Variants in MCAM observed in about 807,000 individuals in gnomAD.
MCAM encodes the protein melanoma cell adhesion molecule.
Under a neutral mutation model 79.1 loss-of-function variants are expected in MCAM, and 55 were observed. The ratio of observed to expected loss-of-function variants is 0.70; its 90% CI spans 0.56 to 0.87. The LOEUF (loss-of-function observed/expected upper bound fraction) is 0.87, where lower values mean the gene tolerates loss of function less well. Among genes scored for constraint, MCAM ranks in the 40% least tolerant of loss-of-function variants. The probability of loss-of-function intolerance (pLI) is 0.00; values close to 1 mark genes in which losing one functional copy is unlikely to be tolerated. For missense variants in MCAM, 745 were observed against 839.8 expected, an observed-to-expected ratio of 0.89 and a Z score of 1.40; for synonymous variants, 330 against 339.8, an observed-to-expected ratio of 0.97 and a Z score of 0.32.
Position 119,309,910 on chromosome 11 carries a change from C to T in MCAM, c.1917G>A (p.Glu639=), listed in dbSNP as rs1024423215. The T allele has an allele frequency of 6.2e-7, 1 of 1,601,300 alleles. No individual in the cohort carries two copies. The highest frequency in any genetic ancestry group is 8.5e-7 in the Non-Finnish European group (1 of 1,174,004). Residue 639 remains glutamate (E), a synonymous_variant, in exon 16 of 16, where the codon GAG becomes GAA. Transcript: ENST00000264036. Reference sequence around the variant, plus strand: ...GCTAATGCCTCAGATCGATGTATTTCTCTCCCTAAAAGTGGGTAGAGGAGA... The same window carrying T: ...GCTAATGCCTCAGATCGATGTATTTTTCTCCCTAAAAGTGGGTAGAGGAGA... ...GDKRAPGDQG[E]KYIDLRH
rs779097884 is a variant in MCAM at position 119,311,650 on chromosome 11, G to A, written c.1287C>T (p.Gly429=). 2 of 1,614,038 alleles carry A rather than the reference G, an allele frequency of 1.2e-6. No individual in the cohort carries two copies. Among genetic ancestry groups the A allele is most frequent in the Non-Finnish European group, 8.5e-7 (1 of 1,179,980 alleles). The change falls in exon 11 of 16, where the codon GGC becomes GGT. Residue 429 remains glycine, a splice_region_variant and synonymous_variant. Transcript: ENST00000264036. This position sits in a 1 kb window ranked among gnomAD's most constrained non-coding sequence, Gnocchi z 4.4. The stretch of plus-strand genomic sequence containing the variant: ...TCTCCTTGAATGCCATCCAAGGGGG[G>A]CCTTGGGGAGGTAGGGAGAGGTGAG... ...RTQLVNVAIF[G]PPWMAFKERK... is the part of the protein sequence containing the mutation.
chr11:119,313,320 A>G (rs769792660), intron 5 of MCAM: 80 of 1,311,184 alleles, frequency 6.1e-5, no homozygotes, highest in Non-Finnish European at 7.2e-5. Flanking sequence ...ACCCAGAAAC[A>G]TTGTATAAAA....
intron 5 of MCAM, chr11:119,313,684 A>T (rs1476121480): frequency 4.3e-6 from 1 of 232,088 alleles, no homozygotes; most frequent in Non-Finnish European, 8.6e-6. Context: ...TACAGGCGTG[A>T]GCCCAGCCAG....
chr11:119,316,718 G>T lies in MCAM; in HGVS notation c.67+317C>A. On this transcript the variant is annotated intron_variant, in intron 1 of 15. Transcript: ENST00000264036. The surrounding 1 kb of genome is among the most constrained non-coding windows in gnomAD (Gnocchi z 4.8). ...GCCTCCTGCCCGGCTTCAATTGCGG[G>T]CCCCCAGAGTGAGCACCTCAGGGAC... 1 of 300,018 alleles carries T rather than the reference G, an allele frequency of 3.3e-6. No individual in the cohort carries two copies. Among genetic ancestry groups the T allele is most frequent in the East Asian group, 5.6e-5 (1 of 17,872 alleles). The allele number at this position is 300,018 out of a possible 1,614,324, so 18.6% of individuals were successfully genotyped here.
rs919252773 is a variant in MCAM at position 119,308,700 on chromosome 11, G to GA, written c.*1185_*1186insT. The stretch of plus-strand genomic sequence containing the variant: ...CACACACACCCGAAGCTCTAGCCAG[G>GA]CCCGTTTTCCATCCCTAAGTACCAT... On this transcript the variant is annotated 3_prime_UTR_variant, in exon 16 of 16. Transcript: ENST00000264036. The GA allele has an allele frequency of 3.3e-5, 5 of 151,922 alleles. No individual in the cohort carries two copies. The highest frequency in any genetic ancestry group is 7.4e-5 in the Non-Finnish European group (5 of 67,990). 9.4% of individuals were successfully genotyped at this position (151,922 alleles called of 1,614,324 possible). A position where few individuals can be genotyped will look rare whatever the true frequency, so the allele number is the denominator to read the frequency against.
intron 5 of MCAM, chr11:119,313,996 A>G: frequency 1.0e-6 from 1 of 979,320 alleles, no homozygotes; most frequent in Non-Finnish European, 1.2e-6. Context: ...ACACCCTGAT[A>G]GCAGAGATTA....
intron 5 of MCAM, chr11:119,313,757 A>G (rs1950269489): frequency 5.7e-6 from 1 of 176,094 alleles, no homozygotes; most frequent in Non-Finnish European, 1.2e-5. Context: ...GCCCTATAGG[A>G]TGTTAGCAAC....
rs760837585 is a variant in MCAM at position 119,311,194 on chromosome 11, C to T, written c.1550-9G>A. On this transcript the variant is annotated splice_polypyrimidine_tract_variant and intron_variant, in intron 12 of 15. Coordinates refer to ENST00000264036, the MANE Select transcript of MCAM (RefSeq NM_006500.3). This position sits in a 1 kb window ranked among gnomAD's most constrained non-coding sequence, Gnocchi z 4.4. ...GAGGGTGGTTAAATTGACTAGGAGG[C>T]AGAGGGAGGGGTGTTAGGAGAAGCG... The T allele has an allele frequency of 1.9e-6, 3 of 1,613,732 alleles. No homozygotes were observed. Among genetic ancestry groups the T allele is most frequent in the Non-Finnish European group, 2.5e-6 (3 of 1,179,786 alleles).
intron 14 of MCAM, 95 bp from the exon 15 acceptor site, chr11:119,310,561 G>T: frequency 2.7e-6 from 3 of 1,095,756 alleles, no homozygotes; most frequent in Non-Finnish European, 2.8e-6. Flanking sequence ...AGGGCTCCTT[G>T]CTCCAGGGCC....
Position 119,311,616 on chromosome 11 carries a change from A to C in MCAM, c.1321T>G (p.Trp441Gly), listed in dbSNP as rs1565280100. The change falls in exon 11 of 16, where the codon TGG becomes GGG. Residue 441 changes from tryptophan to glycine, a missense_variant. Transcript: ENST00000264036. The surrounding 1 kb of genome is among the most constrained non-coding windows in gnomAD (Gnocchi z 4.4). ...TTCAACACCATATTCTCTTTCACCC[A>C]CACCTTCCTCTCCTTGAATGCCATC... ...PWMAFKERKV[W>G]VKENMVLNLS... The C allele has an allele frequency of 6.2e-7, 1 of 1,613,892 alleles. No individual in the cohort carries two copies. Among genetic ancestry groups the C allele is most frequent in the African/African-American group, 1.3e-5 (1 of 74,880 alleles).
In MCAM at chr11:119,312,709, A is replaced by G. The variant is rs969433856; in HGVS notation, c.739+61T>C. Reference sequence around the variant, plus strand: ...GTCAACCCTGGGCTGGATAAGGGGGAGCCAGCAGGAGTTTCCAGCAGCCCC... The same window carrying G: ...GTCAACCCTGGGCTGGATAAGGGGGGGCCAGCAGGAGTTTCCAGCAGCCCC... On this transcript the variant is annotated intron_variant, in intron 6 of 15. Coordinates refer to ENST00000264036, the MANE Select transcript of MCAM (RefSeq NM_006500.3). This position sits in a 1 kb window ranked among gnomAD's most constrained non-coding sequence, Gnocchi z 4.9. 3.7e-6 allele frequency: 6 copies of G among 1,612,978 alleles called. No individual in the cohort carries two copies. The African/African-American group carries it at 8.0e-5, about 22-fold the overall frequency.
chr11:119,314,447 CACCTGGCCCAAGGGT>C, intron 5 of MCAM, 27 bp downstream of exon 5: 1 of 1,565,720 alleles, frequency 6.4e-7, no homozygotes, highest in Non-Finnish European at 8.8e-7. Context: ...TGAGCTACCA[CACCTGGCCCAAGGGT>C]GGCTTTTGGG....
Position 119,317,069 on chromosome 11 carries a change from C to T in MCAM, c.33G>A (p.Leu11=), listed in dbSNP as rs1214983135. The T allele has an allele frequency of 1.3e-6, 2 of 1,534,936 alleles. No homozygotes were observed. The highest frequency in any genetic ancestry group is 5.0e-5 in the East Asian group (2 of 40,240). ...GAGGACAGCAGCAGCAGGCGGCGAGCAAGAAGGCGCAGACCAGCCTGGGAA... is the reference window on the plus strand; with the variant it reads ...GAGGACAGCAGCAGCAGGCGGCGAGTAAGAAGGCGCAGACCAGCCTGGGAA... MGLPRLVCAF[L]LAACCCCPRV... The change falls in exon 1 of 16, where the codon TTG becomes TTA. Residue 11 remains leucine, a synonymous_variant. Coordinates refer to ENST00000264036, the MANE Select transcript of MCAM (RefSeq NM_006500.3). This position sits in a 1 kb window ranked among gnomAD's most constrained non-coding sequence, Gnocchi z 6.2.
In MCAM at chr11:119,312,894, C is replaced by T; in HGVS notation, c.615G>A (p.Gln205=). ...TAACCAGCTGTGCCTTCAGAATACT[C>T]TGCAAGGTGTACAAACCACTCGACT... ...TVESSGLYTL[Q]SILKAQLVKE... Residue 205 remains glutamine (Q), a synonymous_variant, in exon 6 of 16, where the codon CAG becomes CAA. Transcript: ENST00000264036. This position sits in a 1 kb window ranked among gnomAD's most constrained non-coding sequence, Gnocchi z 4.9. The T allele has an allele frequency of 1.2e-6, 2 of 1,614,238 alleles. No individual in the cohort carries two copies. Among genetic ancestry groups the T allele is most frequent in the Non-Finnish European group, 1.7e-6 (2 of 1,180,056 alleles).
Position 119,309,795 on chromosome 11 carries a change from C to T in MCAM, c.*91G>A, listed in dbSNP as rs1950199892. 8.2e-6 allele frequency: 11 copies of T among 1,347,302 alleles called. No individual in the cohort carries two copies. Among genetic ancestry groups the T allele is most frequent in the Non-Finnish European group, 9.4e-6 (9 of 960,366 alleles). The allele number at this position is 1,347,302 out of a possible 1,614,324, so 83.5% of individuals were successfully genotyped here. On this transcript the variant is annotated 3_prime_UTR_variant, in exon 16 of 16. Coordinates refer to ENST00000264036, the MANE Select transcript of MCAM (RefSeq NM_006500.3). ...CAGGCGAGGGGAGCAGGAGGCTTCT[C>T]TCTAGTCCCTTTGGAGGCTTTGGCT...
intron 5 of MCAM, chr11:119,313,345 A>T: frequency 7.7e-7 from 1 of 1,290,840 alleles, no homozygotes; most frequent in African/African-American, 1.5e-5. Flanking sequence ...TTGTCTAACA[A>T]TGTATACCAT....
At position 119,316,967 on chromosome 11, in the gene MCAM, C is replaced by G. The variant is rs1159397175; in HGVS notation, c.67+68G>C. On this transcript the variant is annotated intron_variant, in intron 1 of 15. Transcript: ENST00000264036. The surrounding 1 kb of genome is among the most constrained non-coding windows in gnomAD (Gnocchi z 4.8). ...CGCCCCGACCCCGCCGCGCCGCTGGCTCTGCTCCCTGGCACGCTCCACCGC... is the reference window on the plus strand; with the variant it reads ...CGCCCCGACCCCGCCGCGCCGCTGGGTCTGCTCCCTGGCACGCTCCACCGC... 7.2e-7 allele frequency: 1 copy of G among 1,394,482 alleles called. No homozygotes were observed. Among genetic ancestry groups the G allele is most frequent in the East Asian group, 2.8e-5 (1 of 36,172 alleles). 86.4% of individuals were successfully genotyped at this position (1,394,482 alleles called of 1,614,324 possible). A position where few individuals can be genotyped will look rare whatever the true frequency, so the allele number is the denominator to read the frequency against.
rs769944457 is a variant in MCAM at position 119,311,425 on chromosome 11, C to T, written c.1408-4G>A. 53 of 1,613,802 alleles carry T rather than the reference C, an allele frequency of 3.3e-5. 1 individual carries two copies. In the East Asian group the frequency reaches 5.1e-4, roughly 16 times the overall value. The stretch of plus-strand genomic sequence containing the variant: ...GATCTTGGTCTTGTTCACTTGCCTG[C>T]GAGGAAAGGAAGGAGGCAGCTCAGG... On this transcript the variant is annotated splice_region_variant and splice_polypyrimidine_tract_variant and intron_variant, in intron 11 of 15. Coordinates refer to ENST00000264036, the MANE Select transcript of MCAM (RefSeq NM_006500.3). This position sits in a 1 kb window ranked among gnomAD's most constrained non-coding sequence, Gnocchi z 4.4.
At position 119,316,865 on chromosome 11, in the gene MCAM, T is replaced by A; in HGVS notation, c.67+170A>T. ...TCTAGAATCCCGGCTGCAAACTGGC[T>A]GCAAAGAAGAGTTGCTCGCGCGCAA... On this transcript the variant is annotated intron_variant, in intron 1 of 15. Coordinates refer to ENST00000264036, the MANE Select transcript of MCAM (RefSeq NM_006500.3). The surrounding 1 kb of genome is among the most constrained non-coding windows in gnomAD (Gnocchi z 4.8). The A allele has an allele frequency of 1.8e-6, 1 of 564,372 alleles. No homozygotes were observed. The highest frequency in any genetic ancestry group is 3.1e-6 in the Non-Finnish European group (1 of 325,894). The allele number at this position is 564,372 out of a possible 1,614,324, so 35.0% of individuals were successfully genotyped here. A position where few individuals can be genotyped will look rare whatever the true frequency, so the allele number is the denominator to read the frequency against.
Sources: gnomAD v4.1 joint callset for allele counts on GRCh38, gnomAD v4.1.1 for gene constraint, Gnocchi (gnomAD v3.1) non-coding constraint, MANE v1.5 for transcripts, NCBI Gene and HGNC (gene_info 2026-07-23, HGNC 2026-07-21) for gene names.